RSU1: variants seen among roughly 807,000 people sequenced by gnomAD.
The protein encoded by RSU1 is Ras suppressor protein 1.
A neutral mutation model predicts 31.1 loss-of-function variants in RSU1; 26 were observed. That is an observed-to-expected ratio of 0.84 (90% CI 0.61 to 1.16). The LOEUF is 1.16. RSU1 is among the 50% of genes most tolerant of loss of function. RSU1 has a pLI of 0.00. For missense variants in RSU1, 320 were observed against 339.1 expected (o/e 0.94, Z 0.44); for synonymous variants, 164 against 136.3 (o/e 1.20, Z -1.41).
At chr10:16,664,512 C>T (rs938840227) in intron 8 of RSU1, among the ~76,000 whole-genome samples, 2 of 152,164 alleles carry the variant, frequency 1.3e-5, no homozygotes, top group Non-Finnish European at 2.9e-5. Context: ...TTGATGAATG[C>T]TTCTTGCTAA....
chr10:16,806,604 C>T (rs1201202955), intron 2 of RSU1, among the ~76,000 whole-genome samples: 1 of 152,198 alleles, frequency 6.6e-6, no homozygotes, highest in Admixed American at 6.5e-5. Flanking sequence ...TATTAATACA[C>T]TCCATGCATA....
chr10:16,762,302 A>G (rs1837224736), intron 4 of RSU1, among the ~76,000 whole-genome samples: 1 of 151,044 alleles, frequency 6.6e-6, no homozygotes, highest in South Asian at 2.1e-4. Context: ...TTTTATATAT[A>G]TATATATAAA....
At chr10:16,615,356 C>T (rs949483632) in intron 8 of RSU1, among the ~76,000 whole-genome samples, 2 of 151,936 alleles carry the variant, frequency 1.3e-5, no homozygotes, top group African/African-American at 4.8e-5. Context: ...TAAATGCACC[C>T]AATACAGGAG....
rs1331968787 is a variant in RSU1 at position 16,592,420 on chromosome 10, T to A, written c.*974A>T. 1 of 151,492 alleles carries A rather than the reference T, an allele frequency of 6.6e-6. No individual in the cohort carries two copies. The highest frequency in any genetic ancestry group is 1.5e-5 in the Non-Finnish European group (1 of 67,574). 9.4% of individuals were successfully genotyped at this position (151,492 alleles called of 1,614,324 possible). A position where few individuals can be genotyped will look rare whatever the true frequency, so the allele number is the denominator to read the frequency against. ...CCTATCACAGATGTTAAACAAACAATTGATTGTTTAATGACTCTGCAACTG... is the reference window on the plus strand; with the variant it reads ...CCTATCACAGATGTTAAACAAACAAATGATTGTTTAATGACTCTGCAACTG... On this transcript the variant is annotated 3_prime_UTR_variant, in exon 9 of 9. Transcript: ENST00000345264.
chr10:16,660,172 A>G (rs570183457), intron 8 of RSU1, among the ~76,000 whole-genome samples: 9 of 152,336 alleles, frequency 5.9e-5, no homozygotes, highest in African/African-American at 1.9e-4. Context: ...CAAGGTAAAG[A>G]GCACATTTGC....
chr10:16,700,525 G>T (rs1163560653), intron 7 of RSU1, among the ~76,000 whole-genome samples: 2 of 152,102 alleles, frequency 1.3e-5, no homozygotes, highest in African/African-American at 4.8e-5. Context: ...CAAAATAAAA[G>T]CTACATTTAG....
intron 8 of RSU1, among the ~76,000 whole-genome samples, chr10:16,626,048 T>C (rs1218188372): frequency 1.3e-5 from 2 of 151,658 alleles, no homozygotes; most frequent in African/African-American, 4.8e-5. Flanking sequence ...TTTCCTTTTT[T>C]CTTTTTTTTT....
rs1313170027 is a variant in RSU1 at position 16,754,970 on chromosome 10, A to T, written c.301T>A (p.Leu101Met). The part of the protein sequence containing the change: ...LNLGMNRLNT[L>M]PRGFGSLPAL... Reference sequence around the variant, plus strand: ...GGCAGGGAGCCGAAGCCTCGTGGCAAAGTGTTCAGCCTGTTCATGCTGTTG... The same window carrying T: ...GGCAGGGAGCCGAAGCCTCGTGGCATAGTGTTCAGCCTGTTCATGCTGTTG... The change falls in exon 5 of 9, where the codon TTG becomes ATG. Residue 101 changes from leucine to methionine, a missense_variant. Transcript: ENST00000345264. The T allele has an allele frequency of 5.0e-6, 8 of 1,613,222 alleles. No homozygotes were observed. Among genetic ancestry groups the T allele is most frequent in the Admixed American group, 1.7e-5 (1 of 59,980 alleles).
At chr10:16,738,018 A>C (rs1438983435) in intron 7 of RSU1, among the ~76,000 whole-genome samples, 1 of 152,238 alleles carries the variant, frequency 6.6e-6, no homozygotes, top group African/African-American at 2.4e-5. Flanking sequence ...AAAACAAACA[A>C]ATTCTCAATT....
chr10:16,610,181 G>C (rs954954897), intron 8 of RSU1, among the ~76,000 whole-genome samples: 25 of 151,986 alleles, frequency 1.6e-4, no homozygotes, highest in Non-Finnish European at 1.8e-4. Context: ...TTTGAACTCT[G>C]GTGAGTATTT....
intron 8 of RSU1, among the ~76,000 whole-genome samples, chr10:16,685,558 G>T (rs1448244582): frequency 6.7e-6 from 1 of 149,682 alleles, no homozygotes; most frequent in Non-Finnish European, 1.5e-5. Flanking sequence ...TCCTGACATT[G>T]CCATGGCATT....
intron 8 of RSU1, among the ~76,000 whole-genome samples, chr10:16,663,911 T>C (rs1392028016): frequency 6.6e-6 from 1 of 152,136 alleles, no homozygotes; most frequent in African/African-American, 2.4e-5. Context: ...GTAGTGCCTC[T>C]AAGAAAAGAG....
chr10:16,674,036 A>T (rs1367974850), intron 8 of RSU1, among the ~76,000 whole-genome samples: 2 of 152,180 alleles, frequency 1.3e-5, no homozygotes, highest in Non-Finnish European at 2.9e-5. Flanking sequence ...GCCAATATCT[A>T]GGTCCTACAC....
chr10:16,651,468 T>C (rs1588695358), intron 8 of RSU1, among the ~76,000 whole-genome samples: 1 of 152,364 alleles, frequency 6.6e-6, no homozygotes, highest in South Asian at 2.1e-4. Flanking sequence ...TGGGTTTCCC[T>C]GCTATTTTTA....
Position 16,591,268 on chromosome 10 carries a change from T to C in RSU1, c.*2126A>G, listed in dbSNP as rs1171721181. The stretch of plus-strand genomic sequence containing the variant: ...CTCATGCAGACACACCGTAATTCAT[T>C]GAACCCCTTTTCCACTGACAGGGAT... On this transcript the variant is annotated 3_prime_UTR_variant, in exon 9 of 9. Coordinates refer to ENST00000345264, the MANE Select transcript of RSU1 (RefSeq NM_012425.4). 1 of 152,196 alleles carries C rather than the reference T, an allele frequency of 6.6e-6. No homozygotes were observed. The highest frequency in any genetic ancestry group is 2.4e-5 in the African/African-American group (1 of 41,448). The allele number at this position is 152,196 out of a possible 1,614,324, so 9.4% of individuals were successfully genotyped here. A position where few individuals can be genotyped will look rare whatever the true frequency, so the allele number is the denominator to read the frequency against.
chr10:16,638,230 C>T (rs1834379406), intron 8 of RSU1, among the ~76,000 whole-genome samples: 1 of 151,946 alleles, frequency 6.6e-6, no homozygotes, highest in East Asian at 1.9e-4. Context: ...CCTGGACACT[C>T]ATGATGTACA....
intron 7 of RSU1, among the ~76,000 whole-genome samples, chr10:16,712,232 G>A (rs756600826): frequency 6.6e-6 from 1 of 152,058 alleles, no homozygotes; most frequent in Non-Finnish European, 1.5e-5. Flanking sequence ...TAATGATGAT[G>A]TGAGCCTCTT....
chr10:16,674,906 G>A (rs766422785), intron 8 of RSU1, among the ~76,000 whole-genome samples: 21 of 152,026 alleles, frequency 1.4e-4, no homozygotes, highest in African/African-American at 2.9e-4. Context: ...GGTGGCACAC[G>A]CCTGTAATCC....
intron 8 of RSU1, among the ~76,000 whole-genome samples, chr10:16,623,110 G>A (rs1834098130): frequency 6.6e-6 from 1 of 152,112 alleles, no homozygotes; most frequent in African/African-American, 2.4e-5. Context: ...GTGATGCTGA[G>A]TTTGGGGTAC....
Sources: gnomAD v4.1 joint callset for allele counts (sites outside exome capture counted in the v4.1 genomes callset) on GRCh38, gnomAD v4.1.1 for gene constraint, MANE v1.5 for transcripts, NCBI Gene and HGNC (gene_info 2026-07-23, HGNC 2026-07-21) for gene names.